FAM199X: variants seen among roughly 807,000 people sequenced by gnomAD.
FAM199X encodes protein FAM199X.
A neutral mutation model predicts 22.9 loss-of-function variants in FAM199X; 4 were observed. The ratio of observed to expected loss-of-function variants is 0.17; its 90% CI spans 0.09 to 0.40. The LOEUF (loss-of-function observed/expected upper bound fraction) is 0.40, where lower values mean the gene tolerates loss of function less well. FAM199X is among the 10% of genes least tolerant of loss of function. The pLI is 1.00. For missense variants in FAM199X, 183 were observed against 306.8 expected (o/e 0.60, Z 3.01); for synonymous variants, 101 against 112.3 (o/e 0.90, Z 0.64).
chrX:104,177,906 C>G (rs782249597), intron 2 of FAM199X, among the ~76,000 whole-genome samples: 34 of 111,849 alleles, frequency 3.0e-4, no homozygotes, highest in Middle Eastern at 4.7e-3. Context: ...AGCATTTGTT[C>G]ACTTGATAGT....
chrX:104,172,519 T>A (rs782668796), intron 1 of FAM199X, among the ~76,000 whole-genome samples: 2 of 111,444 alleles, frequency 1.8e-5, no homozygotes, highest in South Asian at 7.5e-4. Flanking sequence ...TGAGCCCGGT[T>A]TACTTGCTGC....
At chrX:104,165,769 CATA>C (rs1401721710), upstream of FAM199X, among the ~76,000 whole-genome samples, 2 of 110,956 alleles carry the variant, frequency 1.8e-5, no homozygotes, top group Admixed American at 1.9e-4. Flanking sequence ...AGTTAAGCTC[CATA>C]ATATATTTTC....
intron 1 of FAM199X, among the ~76,000 whole-genome samples, chrX:104,168,863 C>T (rs1337526027): frequency 1.0e-5 from 1 of 97,839 alleles, no homozygotes; most frequent in African/African-American, 4.0e-5. Flanking sequence ...AAGCATTTTT[C>T]CTAGTTACTG....
chrX:104,187,361 C>T (rs1921832426), intron 4 of FAM199X, among the ~76,000 whole-genome samples: 1 of 112,114 alleles, frequency 8.9e-6, no homozygotes, highest in Non-Finnish European at 1.9e-5. Flanking sequence ...GGATTACAGG[C>T]GTGAGCCGCT....
chrX:104,173,391 T>C (rs1202336704), intron 1 of FAM199X, among the ~76,000 whole-genome samples: 1 of 111,952 alleles, frequency 8.9e-6, no homozygotes, highest in African/African-American at 3.2e-5. Context: ...ACTTTCTATT[T>C]ACTGAATTAT....
chrX:104,159,498 G>A, the FAM199X span, among the ~76,000 whole-genome samples: 3 of 112,361 alleles, frequency 2.7e-5, no homozygotes, highest in Non-Finnish European at 3.8e-5. Flanking sequence ...ATCCTTAGTC[G>A]TACTCATAGC....
At chrX:104,177,027 G>A (rs782702040) in intron 2 of FAM199X, among the ~76,000 whole-genome samples, 26 of 111,415 alleles carry the variant, frequency 2.3e-4, no homozygotes, top group Admixed American at 1.5e-3. Flanking sequence ...TAATTCAGTA[G>A]TTATTAATAT....
chrX:104,169,793 C>T (rs923133548), intron 1 of FAM199X, among the ~76,000 whole-genome samples: 2 of 112,046 alleles, frequency 1.8e-5, no homozygotes, highest in Admixed American at 9.4e-5. Flanking sequence ...ATCTTGAACT[C>T]CAGACCTCAG....
chrX:104,169,986 A>G (rs781866016), intron 1 of FAM199X, among the ~76,000 whole-genome samples: 23 of 112,555 alleles, frequency 2.0e-4, no homozygotes, highest in Non-Finnish European at 3.6e-4. Flanking sequence ...TAAGACCTAC[A>G]TGGATTGGTC....
At chrX:104,159,090 G>A in the FAM199X span, among the ~76,000 whole-genome samples, 2 of 112,137 alleles carry the variant, frequency 1.8e-5, no homozygotes, top group African/African-American at 6.5e-5. Context: ...CAAACTATTA[G>A]AAAGTGTCAG....
At chrX:104,163,257 C>T (rs925277367), upstream of FAM199X, among the ~76,000 whole-genome samples, 6 of 111,885 alleles carry the variant, frequency 5.4e-5, no homozygotes, top group African/African-American at 9.8e-5. Context: ...TGACAATTCT[C>T]GATACCACTC....
chrX:104,175,576 A>G (rs782495234), intron 1 of FAM199X, 47 bp from the exon 2 acceptor site: 2 of 1,020,849 alleles, frequency 2.0e-6, no homozygotes, highest in Non-Finnish European at 2.7e-6. Flanking sequence ...TTAAAATTGT[A>G]TGGATTCTGT....
rs1049138430 is a variant in FAM199X at position 104,166,818 on chromosome X, C to T, written c.33C>T (p.Tyr11=). Reference sequence around the variant, plus strand: ...ACGAGGCCTCGGCCATCACTTCCTACGAGAAGTTTCTAACCCCCGAGGAGC... The same window carrying T: ...ACGAGGCCTCGGCCATCACTTCCTATGAGAAGTTTCTAACCCCCGAGGAGC... MSDEASAITS[Y]EKFLTPEEPF... is the part of the protein sequence containing the mutation. The change falls in exon 1 of 6, where the codon TAC becomes TAT. Residue 11 remains tyrosine (Y), a synonymous_variant. Coordinates refer to ENST00000493442, the MANE Select transcript of FAM199X (RefSeq NM_207318.4). 5 of 1,205,774 alleles carry T rather than the reference C, an allele frequency of 4.1e-6. No homozygotes were observed. In the African/African-American group the frequency reaches 7.0e-5, roughly 17 times the overall value.
chrX:104,177,296 C>A (rs2147892549), intron 2 of FAM199X, among the ~76,000 whole-genome samples: 1 of 112,124 alleles, frequency 8.9e-6, no homozygotes, highest in South Asian at 3.7e-4. Context: ...AACAGTACTT[C>A]ATTCCTTTCT....
chrX:104,195,568 A>G lies in FAM199X; in HGVS notation c.*5790A>G, dbSNP rs1352433404. On this transcript the variant is annotated 3_prime_UTR_variant, in exon 6 of 6. Transcript: ENST00000493442. ...GACAAAAAATAGATCTATTTTCCTT[A>G]TATATTGATTTAGAATCTTAAGTTA... is the stretch of plus-strand genomic sequence containing the variant. 9.0e-6 allele frequency: 1 copy of G among 111,176 alleles called. No homozygotes were observed. The highest frequency in any genetic ancestry group is 1.9e-5 in the Non-Finnish European group (1 of 53,000). 9.2% of individuals were successfully genotyped at this position (111,176 alleles called of 1,213,427 possible).
rs1375876581 is a variant in FAM199X at position 104,192,298 on chromosome X, A to G, written c.*2520A>G. 2.7e-5 allele frequency: 3 copies of G among 111,934 alleles called. No homozygotes were observed. The highest frequency in any genetic ancestry group is 5.7e-5 in the Non-Finnish European group (3 of 52,996). The allele number at this position is 111,934 out of a possible 1,213,427, so 9.2% of individuals were successfully genotyped here. ...ATGGTGTATCTCTGAGTTCAATTTA[A>G]AACAATCCAACTCAGTAATATTTAT... is the stretch of plus-strand genomic sequence containing the variant. On this transcript the variant is annotated 3_prime_UTR_variant, in exon 6 of 6. Transcript: ENST00000493442.
chrX:104,189,505 CAGCTCTTAA>C (rs1921886011), intron 5 of FAM199X, 94 bp from the exon 6 acceptor site: 1 of 817,383 alleles, frequency 1.2e-6, no homozygotes, highest in Non-Finnish European at 1.8e-6. Context: ...AGGATTTGAA[CAGCTCTTAA>C]AGTTAGAAAA....
rs1556374017 is a variant in FAM199X, at chrX:104,166,799, C to T, written c.14C>T (p.Ala5Val). 2 of 1,203,129 alleles carry T rather than the reference C, an allele frequency of 1.7e-6. No homozygotes were observed. The highest frequency in any genetic ancestry group is 1.8e-5 in the South Asian group (1 of 56,008). Residue 5 changes from alanine (A) to valine (V), a missense_variant, in exon 1 of 6, where the codon GCC (alanine) becomes GTC (valine). Physicochemically the swap from Ala to Val is moderately conservative, Grantham distance 64. Transcript: ENST00000493442. MSDE[A>V]SAITSYEKFL... ...CCATCTCCAACCATGTCCGACGAGG[C>T]CTCGGCCATCACTTCCTACGAGAAG...
chrX:104,167,450 T>G (rs1488351711), intron 1 of FAM199X, among the ~76,000 whole-genome samples: 2 of 110,052 alleles, frequency 1.8e-5, no homozygotes, highest in African/African-American at 3.3e-5. Flanking sequence ...AGCTAGAAGC[T>G]TCATTTTCCC....
Sources: gnomAD v4.1 joint callset for allele counts (sites outside exome capture counted in the v4.1 genomes callset) on GRCh38, gnomAD v4.1.1 for gene constraint, MANE v1.5 for transcripts, NCBI Gene and HGNC (gene_info 2026-07-23, HGNC 2026-07-21) for gene names.